The following PRKCA variants were observed in gnomAD, a reference collection of about 807,000 sequenced individuals.
The protein encoded by PRKCA is protein kinase C alpha.
PRKCA carries 27 observed loss-of-function variants against 87.0 expected under a neutral mutation model. That is an observed-to-expected ratio of 0.31 (90% CI 0.23 to 0.43). The LOEUF is 0.43. Among genes scored for constraint, PRKCA ranks in the 20% least tolerant of loss-of-function variants. The pLI is 1.00. For missense variants in PRKCA, 518 were observed against 852.3 expected, an observed-to-expected ratio of 0.61 and a Z score of 4.88; for synonymous variants, 329 against 311.1, an observed-to-expected ratio of 1.06 and a Z score of -0.61.
chr17:66,796,718 T>C, intron 16 of PRKCA: 1 of 985,336 alleles, frequency 1.0e-6, no homozygotes, highest in Non-Finnish European at 1.2e-6. Flanking sequence ...CACCAGCCCA[T>C]TTCTGCTGTT....
chr17:66,357,957 A>G (rs1050728620), intron 2 of PRKCA, among the ~76,000 whole-genome samples: 2 of 152,228 alleles, frequency 1.3e-5, no homozygotes, highest in African/African-American at 4.8e-5. Context: ...ACTTGGAAGC[A>G]GAGAAAAGAG....
At chr17:66,582,665 T>G (rs926868215) in intron 3 of PRKCA, among the ~76,000 whole-genome samples, 2 of 152,240 alleles carry the variant, frequency 1.3e-5, no homozygotes, top group African/African-American at 4.8e-5. Context: ...TATGTCTTTA[T>G]TAGCAGCGTG....
At chr17:66,428,678 A>G (rs754565393) in intron 2 of PRKCA, among the ~76,000 whole-genome samples, 1 of 151,620 alleles carries the variant, frequency 6.6e-6, no homozygotes, top group Non-Finnish European at 1.5e-5. Flanking sequence ...TAATTTTTAT[A>G]TTTTTGGTAG....
chr17:66,723,878 G>A (rs995725032), intron 8 of PRKCA, among the ~76,000 whole-genome samples: 1 of 152,112 alleles, frequency 6.6e-6, no homozygotes, highest in South Asian at 2.1e-4. Flanking sequence ...GATTTGATCC[G>A]AGCTCTTTGG....
At chr17:66,383,895 A>T (rs1017501159) in intron 2 of PRKCA, among the ~76,000 whole-genome samples, 18 of 152,038 alleles carry the variant, frequency 1.2e-4, no homozygotes, top group Non-Finnish European at 2.4e-4. Context: ...GGTTGTAGTG[A>T]GCCGAGATGG....
intron 2 of PRKCA, among the ~76,000 whole-genome samples, chr17:66,419,899 T>C (rs1039549302): frequency 2.6e-5 from 4 of 152,154 alleles, no homozygotes; most frequent in African/African-American, 9.7e-5. Context: ...TATTGACATC[T>C]TGTGCCCAGC....
rs541810041 is a variant in PRKCA at position 66,616,214 on chromosome 17, A to G, written c.289-25141A>G. Among the ~76,000 whole-genome samples the G allele has an allele frequency of 9.8e-5, 15 of 152,340 alleles. No homozygotes were observed. The East Asian group carries it at 2.5e-3, about 26-fold the overall frequency. On this transcript the variant is annotated intron_variant, in intron 3 of 16. Transcript: ENST00000413366. ...GAAGAATGAAATAGTAAAAATTTGT[A>G]GAAATCAACATGTCATGTGGAATTA...
At chr17:66,422,647 C>A (rs1256057323) in intron 2 of PRKCA, among the ~76,000 whole-genome samples, 1 of 152,206 alleles carries the variant, frequency 6.6e-6, no homozygotes, top group Admixed American at 6.5e-5. Context: ...CTTCTTTTAG[C>A]CAGTCCTGTC....
chr17:66,636,659 A>G lies in PRKCA; in HGVS notation c.289-4696A>G, dbSNP rs567401153. ...ACCTTGAAGTTTGCTCCTAAGGATA[A>G]TGTAATAATAATTGCTTATATTTGT... is the stretch of plus-strand genomic sequence containing the variant. On this transcript the variant is annotated intron_variant, in intron 3 of 16. Coordinates refer to ENST00000413366, the MANE Select transcript of PRKCA (RefSeq NM_002737.3). Among the ~76,000 whole-genome samples, 22 of 152,346 alleles carry G rather than the reference A, an allele frequency of 1.4e-4. 1 individual carries two copies. Among genetic ancestry groups the G allele is most frequent in the Admixed American group, 1.1e-3 (17 of 15,306 alleles).
chr17:66,313,412 A>G (rs543880165), intron 2 of PRKCA, among the ~76,000 whole-genome samples: 25 of 152,378 alleles, frequency 1.6e-4, no homozygotes, highest in Admixed American at 1.5e-3. Flanking sequence ...TTATGTATAT[A>G]ATAAGTTAAC....
chr17:66,470,328 C>T (rs1305468811), intron 2 of PRKCA, among the ~76,000 whole-genome samples: 2 of 120,144 alleles, frequency 1.7e-5, no homozygotes, highest in African/African-American at 3.2e-5. Context: ...CTGGTTCAAG[C>T]GATTCTCCTG....
At chr17:66,444,716 CGTT>C (rs771450655) in intron 2 of PRKCA, among the ~76,000 whole-genome samples, 29 of 152,084 alleles carry the variant, frequency 1.9e-4, no homozygotes, top group Non-Finnish European at 3.5e-4. Flanking sequence ...ATCTTCCCCT[CGTT>C]GTCTGCCTGT....
intron 2 of PRKCA, among the ~76,000 whole-genome samples, chr17:66,485,590 G>A (rs1915960260): frequency 6.6e-6 from 1 of 152,170 alleles, no homozygotes; most frequent in Non-Finnish European, 1.5e-5. Context: ...TGCCATTTGG[G>A]AGAAGATTGG....
intron 14 of PRKCA, among the ~76,000 whole-genome samples, chr17:66,784,062 T>C (rs34049529): frequency 0.15 from 22,501 of 152,242 alleles, 1,741 homozygotes; most frequent in East Asian, 0.18. Flanking sequence ...ACTTGGAAAG[T>C]ATGTGTCTGG....
chr17:66,399,245 G>A (rs561047988), intron 2 of PRKCA, among the ~76,000 whole-genome samples: 3 of 151,724 alleles, frequency 2.0e-5, no homozygotes, highest in Non-Finnish European at 2.9e-5. Flanking sequence ...CACCATGCCC[G>A]GCTAATTTTT....
intron 14 of PRKCA, among the ~76,000 whole-genome samples, chr17:66,783,964 T>G (rs961532204): frequency 6.6e-6 from 1 of 152,236 alleles, no homozygotes; most frequent in Non-Finnish European, 1.5e-5. Context: ...ACAAGAGCTC[T>G]GTGCATTTGG....
chr17:66,478,298 A>G (rs978623449), intron 2 of PRKCA, among the ~76,000 whole-genome samples: 1 of 152,146 alleles, frequency 6.6e-6, no homozygotes, highest in Admixed American at 6.5e-5. Flanking sequence ...CTTGTTGCCC[A>G]GACTGGAGTG....
chr17:66,721,399 A>C (rs1199758942), intron 8 of PRKCA, among the ~76,000 whole-genome samples: 1 of 151,152 alleles, frequency 6.6e-6, no homozygotes, highest in East Asian at 1.9e-4. Context: ...CCGTCTCAAA[A>C]AAAAAAAAAA....
intron 5 of PRKCA, among the ~76,000 whole-genome samples, chr17:66,647,250 T>C (rs1226510738): frequency 6.6e-6 from 1 of 152,202 alleles, no homozygotes; most frequent in Non-Finnish European, 1.5e-5. Context: ...TAAAACCTAG[T>C]CTCCGTAGGT....
Sources: allele counts gnomAD v4.1 joint callset (sites outside exome capture counted in the v4.1 genomes callset), GRCh38; gene constraint gnomAD v4.1.1; transcripts MANE v1.5; gene names NCBI Gene and HGNC (gene_info 2026-07-23, HGNC 2026-07-21).